Variants in LDLRAD3 observed in about 807,000 individuals in gnomAD.
LDLRAD3 encodes the protein low density lipoprotein receptor class A domain containing 3.
In LDLRAD3, 20 loss-of-function variants were observed where a neutral mutation model predicts 29.4. That is an observed-to-expected ratio of 0.68 (90% CI 0.48 to 0.99). The LOEUF (loss-of-function observed/expected upper bound fraction) is 0.99, where lower values mean the gene tolerates loss of function less well. Ranked by LOEUF, LDLRAD3 falls within the 50% of genes least tolerant of loss-of-function variation. The pLI, the probability that LDLRAD3 is intolerant of heterozygous loss-of-function variation, is 0.00. For synonymous variants in LDLRAD3, 157 were observed against 192.7 expected (o/e 0.81, Z 1.53); for missense variants, 420 against 454.3 (o/e 0.92, Z 0.69).
chr11:36,161,103 G>A (rs74919645), intron 4 of LDLRAD3, among the ~76,000 whole-genome samples: 1,535 of 152,268 alleles, frequency 0.01, 11 homozygotes, highest in Middle Eastern at 0.034. Flanking sequence ...CCAGAAGCAG[G>A]ATCTTGAAGC....
At chr11:36,158,168 G>T (rs1258616260) in intron 4 of LDLRAD3, among the ~76,000 whole-genome samples, 1 of 152,140 alleles carries the variant, frequency 6.6e-6, no homozygotes, top group African/African-American at 2.4e-5. Context: ...AAACATTCCA[G>T]TGGGATAGTC....
At chr11:35,994,487 G>C (rs1851728658) in intron 1 of LDLRAD3, among the ~76,000 whole-genome samples, 1 of 151,876 alleles carries the variant, frequency 6.6e-6, no homozygotes, top group Non-Finnish European at 1.5e-5. Context: ...CTAGCCTTCA[G>C]TCAGTTTTAA....
At chr11:35,984,493 T>C (rs1481501881) in intron 1 of LDLRAD3, among the ~76,000 whole-genome samples, 2 of 152,180 alleles carry the variant, frequency 1.3e-5, no homozygotes, top group Non-Finnish European at 2.9e-5. Flanking sequence ...TCAAAGCTAA[T>C]GTGTGAAACA....
intron 4 of LDLRAD3, among the ~76,000 whole-genome samples, chr11:36,105,238 T>TGTGTGTGAGAGA (rs1343780985): frequency 7.8e-6 from 1 of 128,344 alleles, no homozygotes; most frequent in African/African-American, 3.0e-5. Flanking sequence ...TGTGTGTGTG[T>TGTGTGTGAGAGA]GAGAGAGAGA....
intron 4 of LDLRAD3, among the ~76,000 whole-genome samples, chr11:36,224,701 C>T (rs1020142004): frequency 2.6e-5 from 4 of 152,162 alleles, no homozygotes; most frequent in Admixed American, 6.5e-5. Context: ...GCTGGAGAGA[C>T]AAATTAACAC....
intron 3 of LDLRAD3, among the ~76,000 whole-genome samples, chr11:36,082,806 G>C (rs553293274): frequency 1.8e-4 from 28 of 152,250 alleles, no homozygotes; most frequent in African/African-American, 6.7e-4. Context: ...GCGTACAGCA[G>C]CCTCAGTGAC....
At position 36,175,749 on chromosome 11, in the gene LDLRAD3, T is replaced by C. The variant is rs899269167; in HGVS notation, c.455-51336T>C. On this transcript the variant is annotated intron_variant, in intron 4 of 5. Transcript: ENST00000315571. ...CTATTATATGGTCTGTCTTAGAGAA[T>C]GTTCCATGCACTGATGAATAGAATG... is the stretch of plus-strand genomic sequence containing the variant. Among the ~76,000 whole-genome samples the C allele has an allele frequency of 7.7e-4, 117 of 152,226 alleles. 1 individual carries two copies. Among genetic ancestry groups the C allele is most frequent in the African/African-American group, 2.7e-3 (113 of 41,460 alleles).
chr11:36,154,429 T>A (rs994297046), intron 4 of LDLRAD3, among the ~76,000 whole-genome samples: 23 of 152,294 alleles, frequency 1.5e-4, no homozygotes, highest in African/African-American at 5.3e-4. Context: ...GTAGCTTTCC[T>A]AAAGCATGTT....
At position 35,970,725 on chromosome 11, in the gene LDLRAD3, A is replaced by G. The variant is rs376486661; in HGVS notation, c.46+26581A>G. Among the ~76,000 whole-genome samples, 83 of 152,326 alleles carry G rather than the reference A, an allele frequency of 5.4e-4. No homozygotes were observed. The Middle Eastern group carries it at 0.01, about 19-fold the overall frequency. ...AGACAGACAAATCAGGTCTTGCATA[A>G]TGCCGCTGCCAAGTCCATGCATTCA... On this transcript the variant is annotated intron_variant, in intron 1 of 5. Coordinates refer to ENST00000315571, the MANE Select transcript of LDLRAD3 (RefSeq NM_174902.4).
intron 4 of LDLRAD3, among the ~76,000 whole-genome samples, chr11:36,121,595 T>C (rs1207587026): frequency 6.6e-6 from 1 of 152,128 alleles, no homozygotes; most frequent in Non-Finnish European, 1.5e-5. Context: ...GGAAAATAAT[T>C]GCTGGTTGTG....
intron 3 of LDLRAD3, among the ~76,000 whole-genome samples, chr11:36,084,564 C>T (rs561229170): frequency 2.0e-5 from 3 of 152,254 alleles, no homozygotes; most frequent in Admixed American, 6.5e-5. Flanking sequence ...TTTATCCCCT[C>T]GTTCCTATGT....
At chr11:36,063,455 G>T (rs1376748125) in intron 2 of LDLRAD3, among the ~76,000 whole-genome samples, 2 of 152,122 alleles carry the variant, frequency 1.3e-5, no homozygotes, top group Non-Finnish European at 2.9e-5. Flanking sequence ...TCCACTTTTT[G>T]TCTCTACAGA....
chr11:36,122,408 C>T (rs1460797216), intron 4 of LDLRAD3, among the ~76,000 whole-genome samples: 2 of 152,088 alleles, frequency 1.3e-5, no homozygotes, highest in Non-Finnish European at 2.9e-5. Flanking sequence ...TCAGATTTTC[C>T]ATCTGAAAAA....
At chr11:36,010,056 T>C (rs1330182216) in intron 1 of LDLRAD3, 1 of 154,368 alleles carries the variant, frequency 6.5e-6, no homozygotes, top group Non-Finnish European at 1.5e-5. Flanking sequence ...TAACCTACTT[T>C]ATTGTGTTTG....
intron 3 of LDLRAD3, among the ~76,000 whole-genome samples, chr11:36,092,156 T>C (rs904905918): frequency 6.6e-6 from 1 of 152,200 alleles, no homozygotes; most frequent in Admixed American, 6.5e-5. Flanking sequence ...CCTTTTTTGG[T>C]AGTAGCACAG....
chr11:36,131,343 G>A (rs560484452), intron 4 of LDLRAD3, among the ~76,000 whole-genome samples: 3 of 152,266 alleles, frequency 2.0e-5, no homozygotes, highest in South Asian at 2.1e-4. Flanking sequence ...AACCTGCTTC[G>A]GAGCCTTCTC....
intron 1 of LDLRAD3, among the ~76,000 whole-genome samples, chr11:36,011,135 A>G (rs1851950720): frequency 6.6e-6 from 1 of 152,062 alleles, no homozygotes; most frequent in Non-Finnish European, 1.5e-5. Flanking sequence ...TCCATTTCTT[A>G]CTTTCTTCTG....
chr11:36,021,856 C>T (rs1442869708), intron 1 of LDLRAD3, among the ~76,000 whole-genome samples: 17 of 152,042 alleles, frequency 1.1e-4, no homozygotes, highest in Admixed American at 1.1e-3. Context: ...TCACTATATA[C>T]CCCAGGCTGA....
At chr11:36,151,351 G>A (rs909378520) in intron 4 of LDLRAD3, among the ~76,000 whole-genome samples, 4 of 152,052 alleles carry the variant, frequency 2.6e-5, no homozygotes, top group Non-Finnish European at 4.4e-5. Flanking sequence ...AAACTTCAGG[G>A]GGTGCCATTT....
Sources: gnomAD v4.1 joint callset for allele counts (sites outside exome capture counted in the v4.1 genomes callset) on GRCh38, gnomAD v4.1.1 for gene constraint, MANE v1.5 for transcripts, NCBI Gene and HGNC (gene_info 2026-07-23, HGNC 2026-07-21) for gene names.